SGCZ: variants seen among roughly 807,000 people sequenced by gnomAD.
SGCZ encodes sarcoglycan zeta.
In SGCZ, 40 loss-of-function variants were observed where a neutral mutation model predicts 41.3. The observed-to-expected ratio is 0.97, with a 90% CI of 0.75 to 1.26. SGCZ has a LOEUF of 1.26. Among genes scored for constraint, SGCZ ranks in the 50% most tolerant of loss-of-function variants. SGCZ has a pLI of 0.00. For synonymous variants in SGCZ, 206 were observed against 137.5 expected (o/e 1.50, Z -3.49); for missense variants, 552 against 369.8 (o/e 1.49, Z -4.04).
chr8:14,340,907 G>C (rs1563267405), intron 2 of SGCZ, among the ~76,000 whole-genome samples: 1 of 152,014 alleles, frequency 6.6e-6, no homozygotes, highest in East Asian at 1.9e-4. Flanking sequence ...ATTAACCCCA[G>C]CTAAGACATT....
intron 3 of SGCZ, among the ~76,000 whole-genome samples, chr8:14,246,634 A>G (rs936959495): frequency 5.9e-5 from 9 of 152,034 alleles, no homozygotes; most frequent in African/African-American, 2.2e-4. Flanking sequence ...AAAGCTGGGC[A>G]TGGCGGCTGA....
At chr8:15,093,484 C>T (rs1163124916) in intron 1 of SGCZ, among the ~76,000 whole-genome samples, 2 of 152,140 alleles carry the variant, frequency 1.3e-5, no homozygotes, top group Non-Finnish European at 2.9e-5. Context: ...ATCAGCATAA[C>T]AGTTGCTTAG....
intron 1 of SGCZ, among the ~76,000 whole-genome samples, chr8:15,115,417 G>C (rs542869357): frequency 1.3e-5 from 2 of 152,300 alleles, no homozygotes; most frequent in South Asian, 4.1e-4. Flanking sequence ...ATAAGCAATA[G>C]TAATCTCTAC....
At chr8:14,286,565 G>C (rs1050905564) in intron 3 of SGCZ, among the ~76,000 whole-genome samples, 1 of 152,038 alleles carries the variant, frequency 6.6e-6, no homozygotes, top group Non-Finnish European at 1.5e-5. Flanking sequence ...CAATATACCA[G>C]ATATTATGGA....
chr8:14,980,572 T>C (rs760135561), intron 1 of SGCZ, among the ~76,000 whole-genome samples: 1 of 152,044 alleles, frequency 6.6e-6, no homozygotes, highest in African/African-American at 2.4e-5. Flanking sequence ...ACAATCATGG[T>C]GGAAGGCACA....
chr8:14,520,734 G>A (rs1802763655), intron 2 of SGCZ, among the ~76,000 whole-genome samples: 1 of 152,034 alleles, frequency 6.6e-6, no homozygotes, highest in African/African-American at 2.4e-5. Context: ...TTCCATCATT[G>A]CAGAAGCAAA....
intron 1 of SGCZ, among the ~76,000 whole-genome samples, chr8:15,092,075 GT>G (rs1216120416): frequency 6.6e-6 from 1 of 152,012 alleles, no homozygotes; most frequent in Non-Finnish European, 1.5e-5. Flanking sequence ...AAGCACTGTT[GT>G]TTATACACAC....
At chr8:15,121,326 T>G (rs1232781984) in intron 1 of SGCZ, among the ~76,000 whole-genome samples, 1 of 152,228 alleles carries the variant, frequency 6.6e-6, no homozygotes, top group Non-Finnish European at 1.5e-5. Flanking sequence ...ACAAATGACA[T>G]TTCTTTTAGG....
chr8:14,349,848 C>T (rs895167399), intron 2 of SGCZ, among the ~76,000 whole-genome samples: 2 of 152,000 alleles, frequency 1.3e-5, no homozygotes, highest in African/African-American at 4.8e-5. Flanking sequence ...AGTTCTATGA[C>T]CAAATAAGTT....
intron 3 of SGCZ, among the ~76,000 whole-genome samples, chr8:14,262,726 C>G (rs897883078): frequency 6.7e-6 from 1 of 149,872 alleles, no homozygotes; most frequent in South Asian, 2.1e-4. Context: ...CTACCATCAT[C>G]AAAGATGTAT....
At chr8:14,363,203 T>C (rs1347938632) in intron 2 of SGCZ, among the ~76,000 whole-genome samples, 1 of 152,182 alleles carries the variant, frequency 6.6e-6, no homozygotes, top group Non-Finnish European at 1.5e-5. Flanking sequence ...AGACAGGTCC[T>C]ATAATGACAC....
intron 1 of SGCZ, among the ~76,000 whole-genome samples, chr8:14,947,855 C>G (rs1321273532): frequency 6.6e-6 from 1 of 152,196 alleles, no homozygotes; most frequent in Non-Finnish European, 1.5e-5. Flanking sequence ...TAGGCAGCTA[C>G]TGAGCAACAG....
chr8:14,362,211 C>G (rs1803543930), intron 2 of SGCZ, among the ~76,000 whole-genome samples: 1 of 152,202 alleles, frequency 6.6e-6, no homozygotes, highest in African/African-American at 2.4e-5. Context: ...AAGCACTACT[C>G]TCCTCAGAGC....
chr8:14,163,212 T>TAACAA (rs1804100986), intron 5 of SGCZ, among the ~76,000 whole-genome samples: 1 of 152,168 alleles, frequency 6.6e-6, no homozygotes, highest in Admixed American at 6.5e-5. Flanking sequence ...GAAGGTTTGT[T>TAACAA]ACAGAGGTAA....
chr8:14,108,137 C>A (rs1180735988), intron 6 of SGCZ, 26 bp downstream of exon 6: 8 of 1,605,878 alleles, frequency 5.0e-6, no homozygotes, highest in Non-Finnish European at 6.8e-6. Flanking sequence ...GGATTTTATG[C>A]CACAGGTATA....
At chr8:15,109,016 T>C (rs1252659904) in intron 1 of SGCZ, among the ~76,000 whole-genome samples, 2 of 152,180 alleles carry the variant, frequency 1.3e-5, no homozygotes, top group Non-Finnish European at 2.9e-5. Context: ...TGAGGTTTGA[T>C]GGTCTTACAG....
At position 15,021,934 on chromosome 8, in the gene SGCZ, T is replaced by C. The variant is rs545111277; in HGVS notation, c.39+215651A>G. On this transcript the variant is annotated intron_variant, in intron 1 of 7. Coordinates refer to ENST00000382080, the MANE Select transcript of SGCZ (RefSeq NM_139167.4). ...TTGACCCCGTTCACACTATAACTTTTCTAAGAAACATCCTGATGACCCAAT... is the reference window on the plus strand; with the variant it reads ...TTGACCCCGTTCACACTATAACTTTCCTAAGAAACATCCTGATGACCCAAT... 4.6e-5 allele frequency among the ~76,000 whole-genome samples: 7 copies of C among 152,336 alleles called. No homozygotes were observed. In the East Asian group the frequency reaches 1.2e-3, roughly 25 times the overall value.
At chr8:14,112,516 C>A (rs1040786426) in intron 5 of SGCZ, among the ~76,000 whole-genome samples, 2 of 152,042 alleles carry the variant, frequency 1.3e-5, no homozygotes, top group African/African-American at 4.8e-5. Flanking sequence ...AAATTTGAAT[C>A]TGTGTTAGTA....
At chr8:14,955,311 C>T (rs1408055211) in intron 1 of SGCZ, among the ~76,000 whole-genome samples, 2 of 152,126 alleles carry the variant, frequency 1.3e-5, no homozygotes, top group Non-Finnish European at 2.9e-5. Flanking sequence ...TTATGTTAGT[C>T]CATTGTATAA....
Sources: gnomAD v4.1 joint callset for allele counts (sites outside exome capture counted in the v4.1 genomes callset) on GRCh38, gnomAD v4.1.1 for gene constraint, MANE v1.5 for transcripts, NCBI Gene and HGNC (gene_info 2026-07-23, HGNC 2026-07-21) for gene names.